The following HAVCR1 variants were observed in gnomAD, a reference collection of about 807,000 sequenced individuals.
HAVCR1 encodes the protein T cell immunoglobin domain and mucin domain protein 1.
In HAVCR1, 34 loss-of-function variants were observed where a neutral mutation model predicts 32.0. That is an observed-to-expected ratio of 1.06 (90% CI 0.81 to 1.42). The LOEUF is 1.42. Ranked by LOEUF, HAVCR1 falls within the 40% of genes most tolerant of loss-of-function variation. HAVCR1 has a pLI of 0.00. For missense variants in HAVCR1, 420 were observed against 442.3 expected (o/e 0.95, Z 0.45); for synonymous variants, 178 against 170.3 (o/e 1.05, Z -0.35).
At chr5:157,036,440 T>C (rs1033226791) in intron 7 of HAVCR1, among the ~76,000 whole-genome samples, 25 of 152,146 alleles carry the variant, frequency 1.6e-4, no homozygotes, top group Non-Finnish European at 3.1e-4. Flanking sequence ...GATCGTGCCA[T>C]TGCACTCCAG....
At chr5:157,059,670 C>T (rs1377210655), upstream of HAVCR1, among the ~76,000 whole-genome samples, 1 of 151,954 alleles carries the variant, frequency 6.6e-6, no homozygotes, top group Non-Finnish European at 1.5e-5. Context: ...AACAAAACTC[C>T]ATCTCAAAAA....
chr5:157,038,168 G>A (rs939968932), intron 6 of HAVCR1, among the ~76,000 whole-genome samples: 1 of 152,074 alleles, frequency 6.6e-6, no homozygotes, highest in African/African-American at 2.4e-5. Flanking sequence ...ATAGATTTGA[G>A]AGTAGCTGCA....
At chr5:157,031,731 A>T (rs1253359258) in intron 8 of HAVCR1, among the ~76,000 whole-genome samples, 1 of 150,126 alleles carries the variant, frequency 6.7e-6, no homozygotes, top group African/African-American at 2.5e-5. Flanking sequence ...GAGGCTGGAG[A>T]ATTGCTTGAA....
intron 2 of HAVCR1, among the ~76,000 whole-genome samples, chr5:157,056,668 C>T (rs1432363613): frequency 2.0e-5 from 3 of 152,140 alleles, no homozygotes; most frequent in East Asian, 3.9e-4. Context: ...GTGTGAGCCA[C>T]CACGCCCGGC....
At chr5:157,049,199 C>A in intron 4 of HAVCR1, 54 bp from the exon 5 acceptor site, 2 of 1,095,522 alleles carry the variant, frequency 1.8e-6, no homozygotes, top group Non-Finnish European at 2.8e-6. Context: ...AATGTGCACC[C>A]CAAGAAAAAT....
chr5:157,035,534 G>A (rs1025005611), intron 7 of HAVCR1, among the ~76,000 whole-genome samples: 1 of 152,130 alleles, frequency 6.6e-6, no homozygotes, highest in Non-Finnish European at 1.5e-5. Context: ...TTTTTAGTCT[G>A]TGTCTTGCTA....
intron 2 of HAVCR1, among the ~76,000 whole-genome samples, chr5:157,057,405 A>AAGAAAGAGAGAG (rs1756246258): frequency 9.7e-6 from 1 of 103,144 alleles, no homozygotes; most frequent in African/African-American, 3.4e-5. Context: ...GAAAGAAAGA[A>AAGAAAGAGAGAG]AGAAAGAAAG....
intron 5 of HAVCR1, among the ~76,000 whole-genome samples, chr5:157,044,615 G>GAAAGAAAGAAAGAGAAAGAAAGAA (rs760337335): frequency 3.8e-5 from 2 of 52,714 alleles, no homozygotes; most frequent in East Asian, 5.4e-4. Flanking sequence ...AAGAAAGAAA[G>GAAAGAAAGAAAGAGAAAGAAAGAA]AGAAAGAAAG....
chr5:157,044,586 G>A (rs7702014), intron 5 of HAVCR1, among the ~76,000 whole-genome samples: 950 of 56,106 alleles, frequency 0.017, 65 homozygotes, highest in African/African-American at 0.064. Flanking sequence ...AAAGAAAGAA[G>A]GAAAGAAAGA....
intron 5 of HAVCR1, among the ~76,000 whole-genome samples, chr5:157,044,439 GAA>G (rs1174328703): frequency 2.9e-5 from 1 of 34,756 alleles, no homozygotes; most frequent in Non-Finnish European, 5.1e-5. Flanking sequence ...AAGAAAGAAA[GAA>G]AGAAAGAAAG....
chr5:157,039,262 T>A (rs534708719), intron 6 of HAVCR1, among the ~76,000 whole-genome samples: 1 of 152,330 alleles, frequency 6.6e-6, no homozygotes, highest in East Asian at 1.9e-4. Flanking sequence ...CTATAGTATA[T>A]CCTAATTGTA....
the HAVCR1 span, among the ~76,000 whole-genome samples, chr5:157,065,712 G>C: frequency 6.6e-6 from 1 of 151,998 alleles, no homozygotes; most frequent in East Asian, 1.9e-4. Context: ...AAAATTGGCC[G>C]GGTGTGATGG....
In HAVCR1 at chr5:157,059,015, C is replaced by G. The variant is rs1450707696; in HGVS notation, c.-107G>C. The G allele has an allele frequency of 6.6e-6, 1 of 152,128 alleles. No homozygotes were observed. The highest frequency in any genetic ancestry group is 2.4e-5 in the African/African-American group (1 of 41,434). 9.4% of individuals were successfully genotyped at this position (152,128 alleles called of 1,614,324 possible). On this transcript the variant is annotated 5_prime_UTR_variant, in exon 1 of 9. Coordinates refer to ENST00000523175, the MANE Select transcript of HAVCR1 (RefSeq NM_001173393.3). ...CTATTTCCTCAGTTGTAAAATAGCA[C>G]TAAAAATGCTTCCTCTATCTCCCAC...
chr5:157,057,638 G>A (rs1409202624), intron 2 of HAVCR1, among the ~76,000 whole-genome samples: 1 of 151,884 alleles, frequency 6.6e-6, no homozygotes, highest in African/African-American at 2.4e-5. Flanking sequence ...AAACACAAAG[G>A]GCAGCCTGTG....
At chr5:157,034,147 C>G (rs1561579528) in intron 7 of HAVCR1, among the ~76,000 whole-genome samples, 1 of 152,060 alleles carries the variant, frequency 6.6e-6, no homozygotes, top group Non-Finnish European at 1.5e-5. Flanking sequence ...AGGACCCACG[C>G]CGGCACTTGT....
chr5:157,065,456 T>C, the HAVCR1 span, among the ~76,000 whole-genome samples: 1 of 152,352 alleles, frequency 6.6e-6, no homozygotes, highest in Admixed American at 6.5e-5. Context: ...TGTTGACTCA[T>C]GCAGGTAATC....
At chr5:157,041,635 T>C (rs1754900084) in intron 6 of HAVCR1, among the ~76,000 whole-genome samples, 1 of 152,230 alleles carries the variant, frequency 6.6e-6, no homozygotes, top group African/African-American at 2.4e-5. Context: ...AATAAACATA[T>C]TATGTTCCTT....
chr5:157,060,901 A>T (rs368663022), upstream of HAVCR1, among the ~76,000 whole-genome samples: 7 of 149,094 alleles, frequency 4.7e-5, no homozygotes, highest in Non-Finnish European at 8.9e-5. Context: ...GGCATTTTTA[A>T]TTTTTTTTTT....
At chr5:157,051,307 A>G (rs1369027715) in intron 4 of HAVCR1, among the ~76,000 whole-genome samples, 1 of 152,222 alleles carries the variant, frequency 6.6e-6, no homozygotes, top group Non-Finnish European at 1.5e-5. Context: ...AAATAAATTA[A>G]AGGACCTTTG....
Sources: gnomAD v4.1 joint callset for allele counts (sites outside exome capture counted in the v4.1 genomes callset) on GRCh38, gnomAD v4.1.1 for gene constraint, MANE v1.5 for transcripts, NCBI Gene and HGNC (gene_info 2026-07-23, HGNC 2026-07-21) for gene names.